Variants in NUFIP1 observed in about 807,000 individuals in gnomAD.
NUFIP1 encodes nuclear FMR1 interacting protein 1, also known as FMR1-interacting protein NUFIP1.
Under a neutral mutation model 56.2 loss-of-function variants are expected in NUFIP1, and 38 were observed. The observed-to-expected ratio is 0.68, with a 90% CI of 0.52 to 0.89. The LOEUF (loss-of-function observed/expected upper bound fraction) is 0.89. Ranked by LOEUF, NUFIP1 falls within the 40% of genes least tolerant of loss-of-function variation. NUFIP1 has a pLI of 0.00. For missense variants in NUFIP1, 567 were observed against 605.8 expected (o/e 0.94, Z 0.67); for synonymous variants, 215 against 212.4 (o/e 1.01, Z -0.10).
chr13:44,947,810 C>A (rs554750720), intron 8 of NUFIP1, among the ~76,000 whole-genome samples: 1 of 152,268 alleles, frequency 6.6e-6, no homozygotes, highest in Non-Finnish European at 1.5e-5. Context: ...TAAAGAATAA[C>A]TCCATCTTCA....
At chr13:44,984,332 T>C (rs765786856) in intron 1 of NUFIP1, among the ~76,000 whole-genome samples, 6 of 152,214 alleles carry the variant, frequency 3.9e-5, no homozygotes, top group Non-Finnish European at 8.8e-5. Context: ...TTCCAGCATC[T>C]GCCATACAAT....
rs562114435 is a variant in NUFIP1, at chr13:44,989,154, C to A, written c.283G>T (p.Ala95Ser). The A allele has an allele frequency of 4.3e-6, 7 of 1,613,582 alleles. No homozygotes were observed. In the South Asian group the frequency reaches 7.7e-5, roughly 18 times the overall value. The change falls in exon 1 of 10, where the codon GCC becomes TCC. Residue 95 changes from alanine to serine, a missense_variant. Transcript: ENST00000379161. ...GGCTGAGAATCAAGGGGAGACTGGG[C>A]GTCGAAGGGGGGTTGCGCCCCGGGA... Reference protein sequence around the residue: ...ILPGAQPPFDAQSPLDSQPQP... With the variant: ...ILPGAQPPFDSQSPLDSQPQP...
intron 8 of NUFIP1, among the ~76,000 whole-genome samples, chr13:44,948,197 C>T (rs1304297921): frequency 2.2e-5 from 3 of 137,178 alleles, no homozygotes; most frequent in Non-Finnish European, 4.5e-5. Flanking sequence ...GGCTGGAGTA[C>T]AGTGGCACAA....
At position 44,969,965 on chromosome 13, in the gene NUFIP1, C is replaced by A. The variant is rs542880776; in HGVS notation, c.735-4029G>T. Among the ~76,000 whole-genome samples, 19 of 152,272 alleles carry A rather than the reference C, an allele frequency of 1.2e-4. No homozygotes were observed. In the East Asian group the frequency reaches 3.5e-3, roughly 28 times the overall value. On this transcript the variant is annotated intron_variant, in intron 5 of 9. Transcript: ENST00000379161. ...CAAAAAGATACAGCATTCTTTAGAG[C>A]AGATCTCCTGTGTTGGAATTCTGCA...
At chr13:44,986,096 C>T (rs1481249016) in intron 1 of NUFIP1, among the ~76,000 whole-genome samples, 1 of 152,162 alleles carries the variant, frequency 6.6e-6, no homozygotes, top group Non-Finnish European at 1.5e-5. Context: ...GCTGGGATTA[C>T]AGTCGTGAGC....
chr13:44,977,592 C>T (rs543753463), intron 5 of NUFIP1, among the ~76,000 whole-genome samples: 2 of 152,306 alleles, frequency 1.3e-5, no homozygotes, highest in South Asian at 2.1e-4. Flanking sequence ...AACAAGCCTA[C>T]ACGATAAGTA....
chr13:44,965,515 G>A (rs1305930261), intron 6 of NUFIP1, among the ~76,000 whole-genome samples: 2 of 152,098 alleles, frequency 1.3e-5, no homozygotes, highest in Non-Finnish European at 2.9e-5. Context: ...CCAACATGGT[G>A]AAACCCCATC....
chr13:44,939,431 GAAC>G lies in NUFIP1; in HGVS notation c.*1772_*1774del, dbSNP rs550326274. On this transcript the variant is annotated 3_prime_UTR_variant, in exon 10 of 10. Coordinates refer to ENST00000379161, the MANE Select transcript of NUFIP1 (RefSeq NM_012345.3). ...CTTACATTTCAGAAACTGATTAAAC[GAAC>G]AATAAGATAGGAATGTAGAAGGCAG... The G allele has an allele frequency of 3.2e-4, 48 of 152,188 alleles. No homozygotes were observed. Among genetic ancestry groups the G allele is most frequent in the African/African-American group, 1.1e-3 (45 of 41,536 alleles). 9.4% of individuals were successfully genotyped at this position (152,188 alleles called of 1,614,324 possible). A position where few individuals can be genotyped will look rare whatever the true frequency, so the allele number is the denominator to read the frequency against.
chr13:44,989,205 G>C lies in NUFIP1; in HGVS notation c.232C>G (p.Pro78Ala). The change falls in exon 1 of 10, where the codon CCG becomes GCG. Residue 78 changes from proline (P) to alanine (A), a missense_variant. Transcript: ENST00000379161. Reference sequence around the variant, plus strand: ...AGAATCTGGGCGTCGAAGGGGGGCGGAGCCCCGGGGAGAGACTGGGCCTCC... The same window carrying C: ...AGAATCTGGGCGTCGAAGGGGGGCGCAGCCCCGGGGAGAGACTGGGCCTCC... Reference protein sequence around the residue: ...PMEAQSLPGAPPPFDAQILPG... With the variant: ...PMEAQSLPGAAPPFDAQILPG... 1 of 1,610,018 alleles carries C rather than the reference G, an allele frequency of 6.2e-7. No homozygotes were observed. The highest frequency in any genetic ancestry group is 1.7e-5 in the Admixed American group (1 of 59,218).
chr13:44,985,103 C>T (rs1412641023), intron 1 of NUFIP1, among the ~76,000 whole-genome samples: 3 of 152,210 alleles, frequency 2.0e-5, no homozygotes, highest in Non-Finnish European at 4.4e-5. Flanking sequence ...TTTAAATTAA[C>T]ACTCTTGTAG....
At chr13:44,948,243 A>G (rs1422060566) in intron 8 of NUFIP1, among the ~76,000 whole-genome samples, 2 of 150,578 alleles carry the variant, frequency 1.3e-5, no homozygotes, top group African/African-American at 4.9e-5. Context: ...CTTGGGTTCA[A>G]GCAATTCTCC....
intron 7 of NUFIP1, among the ~76,000 whole-genome samples, chr13:44,958,422 T>C (rs1871316099): frequency 6.6e-6 from 1 of 152,242 alleles, no homozygotes; most frequent in Non-Finnish European, 1.5e-5. Flanking sequence ...TATTCAGTGT[T>C]AGTTGATATT....
At chr13:44,941,715 G>A (rs1454762464) in intron 9 of NUFIP1, among the ~76,000 whole-genome samples, 2 of 151,516 alleles carry the variant, frequency 1.3e-5, no homozygotes, top group Non-Finnish European at 2.9e-5. Flanking sequence ...GGGTTTCACC[G>A]TGTTAGCCAG....
chr13:44,949,962 A>C lies in NUFIP1; in HGVS notation c.1022-124T>G, dbSNP rs186736976. ...ATCATTTCCTTAATCTTTCCAAAAG[A>C]CTAATTCTAGGGGGCCAGAAACACT... On this transcript the variant is annotated intron_variant, in intron 7 of 9. Transcript: ENST00000379161. 4,921 of 709,308 alleles carry C rather than the reference A, an allele frequency of 6.9e-3. 285 individuals are homozygous for C. The Admixed American group carries it at 0.09, about 13-fold the overall frequency. The allele number at this position is 709,308 out of a possible 1,614,324, so 43.9% of individuals were successfully genotyped here. A position where few individuals can be genotyped will look rare whatever the true frequency, so the allele number is the denominator to read the frequency against.
intron 5 of NUFIP1, among the ~76,000 whole-genome samples, chr13:44,971,431 T>TC (rs1871800260): frequency 6.6e-6 from 1 of 152,146 alleles, no homozygotes; most frequent in African/African-American, 2.4e-5. Context: ...CCCCCACCTG[T>TC]CCTACATAAA....
chr13:44,947,234 C>CTTTTTTTT (rs899115570), intron 8 of NUFIP1, among the ~76,000 whole-genome samples: 2 of 124,300 alleles, frequency 1.6e-5, no homozygotes, highest in Non-Finnish European at 3.4e-5. Context: ...AAGCTTATTC[C>CTTTTTTTT]TTTTTTTTTT....
At chr13:44,963,274 G>C (rs1871486625) in intron 6 of NUFIP1, among the ~76,000 whole-genome samples, 1 of 152,140 alleles carries the variant, frequency 6.6e-6, no homozygotes, top group African/African-American at 2.4e-5. Context: ...TCTTTTGTTA[G>C]GTTTATTCCT....
intron 8 of NUFIP1, among the ~76,000 whole-genome samples, chr13:44,947,043 A>G (rs1391537791): frequency 6.6e-6 from 1 of 152,204 alleles, no homozygotes; most frequent in East Asian, 1.9e-4. Context: ...ACAAAATCTT[A>G]TATATAGTTT....
chr13:44,982,282 A>G, intron 1 of NUFIP1, 128 bp from the exon 2 acceptor site: 1 of 398,440 alleles, frequency 2.5e-6, no homozygotes, highest in Non-Finnish European at 4.4e-6. Flanking sequence ...TCTAGGAAGA[A>G]TACTAGTTCA....
Sources: gnomAD v4.1 joint callset for allele counts (sites outside exome capture counted in the v4.1 genomes callset) on GRCh38, gnomAD v4.1.1 for gene constraint, MANE v1.5 for transcripts, NCBI Gene and HGNC (gene_info 2026-07-23, HGNC 2026-07-21) for gene names.